NKAIN2: variants seen among roughly 807,000 people sequenced by gnomAD.
NKAIN2 encodes sodium/potassium-transporting ATPase subunit beta-1-interacting protein 2.
In NKAIN2, 14 loss-of-function variants were observed where a neutral mutation model predicts 32.6. The ratio of observed to expected loss-of-function variants is 0.43; its 90% CI spans 0.28 to 0.67. NKAIN2 has a LOEUF of 0.67. Ranked by LOEUF, NKAIN2 falls within the 30% of genes least tolerant of loss-of-function variation. The pLI, the probability that NKAIN2 is intolerant of heterozygous loss-of-function variation, is 0.17. For missense variants in NKAIN2, 198 were observed against 258.3 expected (o/e 0.77, Z 1.60); for synonymous variants, 80 against 87.2 (o/e 0.92, Z 0.46).
intron 2 of NKAIN2, among the ~76,000 whole-genome samples, chr6:124,346,398 T>C (rs1229814492): frequency 6.6e-6 from 1 of 152,188 alleles, no homozygotes; most frequent in African/African-American, 2.4e-5. Flanking sequence ...CTGTCAACTT[T>C]CCGTCTCATT....
chr6:124,057,475 A>G (rs974790071), intron 1 of NKAIN2, among the ~76,000 whole-genome samples: 4 of 152,054 alleles, frequency 2.6e-5, no homozygotes, highest in Admixed American at 6.6e-5. Context: ...TCCATTAAAA[A>G]GTATATATTT....
chr6:124,533,514 C>T (rs1779606577), intron 3 of NKAIN2, among the ~76,000 whole-genome samples: 1 of 144,614 alleles, frequency 6.9e-6, no homozygotes, highest in African/African-American at 2.5e-5. Flanking sequence ...ATAATCCTTC[C>T]TTGGGGCAGG....
chr6:124,210,994 AGTGGGC>A (rs1410887274), intron 1 of NKAIN2, among the ~76,000 whole-genome samples: 92 of 150,862 alleles, frequency 6.1e-4, no homozygotes, highest in African/African-American at 2.1e-3. Context: ...AAGTGTTGAA[AGTGGGC>A]ATTCTTGTTT....
At chr6:124,681,788 C>A (rs1166078226) in intron 4 of NKAIN2, among the ~76,000 whole-genome samples, 4 of 152,020 alleles carry the variant, frequency 2.6e-5, no homozygotes, top group African/African-American at 9.7e-5. Flanking sequence ...GTGAGAAAAT[C>A]TTCTATGTTT....
chr6:124,448,823 G>T (rs192905498), intron 3 of NKAIN2, among the ~76,000 whole-genome samples: 1 of 152,208 alleles, frequency 6.6e-6, no homozygotes, highest in African/African-American at 2.4e-5. Flanking sequence ...ATAGTGAATA[G>T]AATTCATGAT....
At chr6:124,208,250 A>G (rs1790993350) in intron 1 of NKAIN2, among the ~76,000 whole-genome samples, 1 of 151,954 alleles carries the variant, frequency 6.6e-6, no homozygotes, top group South Asian at 2.1e-4. Context: ...AATACTTCAA[A>G]GAGTAGTTGT....
chr6:124,562,994 T>A (rs1383265464), intron 3 of NKAIN2, among the ~76,000 whole-genome samples: 1 of 148,538 alleles, frequency 6.7e-6, no homozygotes, highest in African/African-American at 2.5e-5. Context: ...AAAATCCGCC[T>A]CCTAGGTTCA....
chr6:123,871,577 A>C (rs1341228415), intron 1 of NKAIN2, among the ~76,000 whole-genome samples: 1 of 152,112 alleles, frequency 6.6e-6, no homozygotes, highest in Non-Finnish European at 1.5e-5. Context: ...AATAGTGTAC[A>C]TATCCAGGAG....
intron 4 of NKAIN2, among the ~76,000 whole-genome samples, chr6:124,721,358 C>T (rs935360080): frequency 6.7e-6 from 1 of 148,406 alleles, no homozygotes; most frequent in Non-Finnish European, 1.5e-5. Flanking sequence ...GAGCGGAGAT[C>T]GCGCCACAGC....
chr6:124,474,862 T>TTATATACATATATAA (rs59782455), intron 3 of NKAIN2, among the ~76,000 whole-genome samples: 92,234 of 138,816 alleles, frequency 0.66, 31,427 homozygotes, highest in African/African-American at 0.76. Context: ...CATATATATT[T>TTATATACATATATAA]TATATACATA....
At position 124,687,743 on chromosome 6, in the gene NKAIN2, T is replaced by TATACACACAC. The variant is rs1554251784; in HGVS notation, c.474+29358_474+29359insTACACACACA. ...ATATAATATAAATATATATGATATA[T>TATACACACAC]ACACACACACACACACACACACACA... is the stretch of plus-strand genomic sequence containing the variant. On this transcript the variant is annotated intron_variant, in intron 4 of 6. Coordinates refer to ENST00000368417, the MANE Select transcript of NKAIN2 (RefSeq NM_001040214.3). Among the ~76,000 whole-genome samples, 885 of 104,338 alleles carry TATACACACAC rather than the reference T, an allele frequency of 8.5e-3. 16 individuals are homozygous for TATACACACAC. The highest frequency in any genetic ancestry group is 0.03 in the South Asian group (92 of 3,078). The allele number at this position is 104,338 out of a possible 152,430, so 68.4% of individuals were successfully genotyped here.
chr6:124,140,830 G>A (rs1253123420), intron 1 of NKAIN2, among the ~76,000 whole-genome samples: 1 of 152,116 alleles, frequency 6.6e-6, no homozygotes, highest in Non-Finnish European at 1.5e-5. Flanking sequence ...AACATACAAT[G>A]TTTTGATTCT....
chr6:124,809,429 T>C (rs1401218468), intron 5 of NKAIN2, among the ~76,000 whole-genome samples: 1 of 146,816 alleles, frequency 6.8e-6, no homozygotes, highest in African/African-American at 2.6e-5. Context: ...TGGCTAGCCA[T>C]ATGTAGAAAG....
At chr6:124,485,456 C>A (rs1355391976) in intron 3 of NKAIN2, among the ~76,000 whole-genome samples, 1 of 151,622 alleles carries the variant, frequency 6.6e-6, no homozygotes, top group Non-Finnish European at 1.5e-5. Flanking sequence ...CCATGAGCTG[C>A]TAAAGAGAGG....
intron 5 of NKAIN2, among the ~76,000 whole-genome samples, chr6:124,814,758 A>G (rs1387516705): frequency 6.6e-6 from 1 of 152,014 alleles, no homozygotes; most frequent in Non-Finnish European, 1.5e-5. Context: ...TTTTGGTCCT[A>G]ATTCTATCCA....
intron 3 of NKAIN2, among the ~76,000 whole-genome samples, chr6:124,527,354 A>G (rs906851264): frequency 6.6e-6 from 1 of 152,230 alleles, no homozygotes; most frequent in East Asian, 1.9e-4. Context: ...AGCCCTGTTC[A>G]AAACAACTGC....
chr6:124,227,114 T>G (rs940084404), intron 1 of NKAIN2, among the ~76,000 whole-genome samples: 5 of 146,844 alleles, frequency 3.4e-5, no homozygotes, highest in African/African-American at 4.9e-5. Context: ...AAGTTACTAA[T>G]ACTCTGAATC....
At chr6:124,526,629 A>G (rs2114810124) in intron 3 of NKAIN2, among the ~76,000 whole-genome samples, 1 of 152,302 alleles carries the variant, frequency 6.6e-6, no homozygotes, top group Non-Finnish European at 1.5e-5. Flanking sequence ...AAGAAAATGA[A>G]TCCATAATTT....
chr6:124,300,333 T>A lies in NKAIN2; in HGVS notation c.192+17191T>A, dbSNP rs184898105. 2.6e-5 allele frequency among the ~76,000 whole-genome samples: 4 copies of A among 152,290 alleles called. 1 individual carries two copies. The East Asian group carries it at 7.7e-4, about 29-fold the overall frequency. On this transcript the variant is annotated intron_variant, in intron 2 of 6. Coordinates refer to ENST00000368417, the MANE Select transcript of NKAIN2 (RefSeq NM_001040214.3). ...TGCTGCCACCCATGTAACACATGAC[T>A]TGCTCCTCATTGTCTTCTGTCATGA...
Sources: gnomAD v4.1 joint callset for allele counts (sites outside exome capture counted in the v4.1 genomes callset) on GRCh38, gnomAD v4.1.1 for gene constraint, MANE v1.5 for transcripts, NCBI Gene and HGNC (gene_info 2026-07-23, HGNC 2026-07-21) for gene names.